ATOSA: variants seen among roughly 807,000 people sequenced by gnomAD.
ATOSA encodes atos homolog protein A.
chr15:52,652,615 C>G, the ATOSA span, among the ~76,000 whole-genome samples: 44 of 152,052 alleles, frequency 2.9e-4, no homozygotes, highest in African/African-American at 1.0e-3. Flanking sequence ...GCATGCAGTA[C>G]CTTTTAAGAG....
the ATOSA span, among the ~76,000 whole-genome samples, chr15:52,687,218 A>AC: frequency 1.3e-5 from 2 of 152,188 alleles, no homozygotes; most frequent in African/African-American, 4.8e-5. Flanking sequence ...ATCCTGGCTA[A>AC]CATGGTGAAA....
chr15:52,608,795 CTTTA>C, the ATOSA span: 12 of 1,602,558 alleles, frequency 7.5e-6, no homozygotes, highest in East Asian at 2.2e-5. Flanking sequence ...CTTTTTGAGT[CTTTA>C]TTTGAGGACA....
the ATOSA span, chr15:52,593,780 C>A: frequency 1.3e-6 from 2 of 1,501,010 alleles, no homozygotes; most frequent in South Asian, 1.3e-5. Flanking sequence ...AAAAAGCTAA[C>A]ACATTCATTT....
chr15:52,614,154 G>A, the ATOSA span, among the ~76,000 whole-genome samples: 2 of 152,002 alleles, frequency 1.3e-5, no homozygotes, highest in African/African-American at 4.8e-5. Flanking sequence ...TGTCCAGGCT[G>A]GAGTGCAATG....
chr15:52,613,537 T>G, the ATOSA span: 3 of 1,030,336 alleles, frequency 2.9e-6, no homozygotes, highest in South Asian at 5.2e-5. Context: ...GGTCCAGGAT[T>G]TGGATTTTTT....
At chr15:52,667,382 T>C in the ATOSA span, among the ~76,000 whole-genome samples, 1 of 152,196 alleles carries the variant, frequency 6.6e-6, no homozygotes, top group Non-Finnish European at 1.5e-5. Flanking sequence ...TGTACAACTT[T>C]AAAAGGCAAT....
At chr15:52,627,656 G>A in the ATOSA span, among the ~76,000 whole-genome samples, 3 of 151,980 alleles carry the variant, frequency 2.0e-5, no homozygotes, top group African/African-American at 7.2e-5. Context: ...ACTGAAGGTG[G>A]TCAGAACATC....
At chr15:52,595,802 A>G in the ATOSA span, among the ~76,000 whole-genome samples, 3 of 152,316 alleles carry the variant, frequency 2.0e-5, no homozygotes, top group Admixed American at 6.5e-5. Flanking sequence ...TTAGGTATAC[A>G]TCTACAAAAA....
the ATOSA span, among the ~76,000 whole-genome samples, chr15:52,690,530 CT>C: frequency 2.6e-5 from 4 of 152,160 alleles, no homozygotes; most frequent in Admixed American, 6.5e-5. Flanking sequence ...TCAGAGCTTT[CT>C]AAATTTTAGT....
At chr15:52,616,218 A>C in the ATOSA span, among the ~76,000 whole-genome samples, 3 of 152,324 alleles carry the variant, frequency 2.0e-5, no homozygotes, top group South Asian at 6.2e-4. Flanking sequence ...GTGGTGGAAG[A>C]CAGTGGTGAT....
At chr15:52,673,006 C>G in the ATOSA span, among the ~76,000 whole-genome samples, 1 of 152,236 alleles carries the variant, frequency 6.6e-6, no homozygotes, top group Admixed American at 6.5e-5. Flanking sequence ...AACTTGTGAT[C>G]ACACTGAATA....
At chr15:52,655,327 T>C in the ATOSA span, among the ~76,000 whole-genome samples, 1 of 152,130 alleles carries the variant, frequency 6.6e-6, no homozygotes, top group South Asian at 2.1e-4. Flanking sequence ...AAATTACCAT[T>C]AATACACTGC....
At chr15:52,591,358 G>A in the ATOSA span, among the ~76,000 whole-genome samples, 1 of 152,184 alleles carries the variant, frequency 6.6e-6, no homozygotes, top group Non-Finnish European at 1.5e-5. Context: ...AGCCTCTTGA[G>A]TAGCTGGGAT....
chr15:52,587,799 A>G, the ATOSA span: 2 of 152,316 alleles, frequency 1.3e-5, no homozygotes, highest in African/African-American at 4.8e-5. Context: ...AAGTTAAATC[A>G]GTAACTTTAA....
the ATOSA span, among the ~76,000 whole-genome samples, chr15:52,591,993 T>C: frequency 6.6e-6 from 1 of 152,180 alleles, no homozygotes; most frequent in Non-Finnish European, 1.5e-5. Context: ...TGTCAAACAC[T>C]AATCAAGCTC....
At chr15:52,672,606 C>T in the ATOSA span, among the ~76,000 whole-genome samples, 4 of 151,878 alleles carry the variant, frequency 2.6e-5, no homozygotes, top group East Asian at 7.7e-4. Flanking sequence ...GATCCAAAGG[C>T]GAGAAAGGCA....
the ATOSA span, among the ~76,000 whole-genome samples, chr15:52,698,177 C>T: frequency 6.6e-6 from 1 of 151,654 alleles, no homozygotes; most frequent in Non-Finnish European, 1.5e-5. Context: ...GATGGGGCTT[C>T]ACTGTGTGAG....
the ATOSA span, among the ~76,000 whole-genome samples, chr15:52,639,390 C>T: frequency 5.9e-5 from 9 of 152,180 alleles, no homozygotes; most frequent in African/African-American, 2.2e-4. Context: ...GTTTCTTGAA[C>T]AAAATTCCCC....
chr15:52,610,236 C>T, the ATOSA span: 79 of 1,613,750 alleles, frequency 4.9e-5, no homozygotes, highest in Middle Eastern at 3.3e-4. Context: ...GAATACTGCA[C>T]GTCAAAACTG....
Sources: allele counts gnomAD v4.1 joint callset (sites outside exome capture counted in the v4.1 genomes callset), GRCh38; gene constraint gnomAD v4.1.1; transcripts MANE v1.5; gene names NCBI Gene and HGNC (gene_info 2026-07-23, HGNC 2026-07-21).